Variants in TENM3 observed in about 807,000 individuals in gnomAD.
The protein encoded by TENM3 is teneurin-3.
A neutral mutation model predicts 255.1 loss-of-function variants in TENM3; 63 were observed. The ratio of observed to expected loss-of-function variants is 0.25; its 90% CI spans 0.20 to 0.30. TENM3 has a LOEUF of 0.30. Among genes scored for constraint, TENM3 ranks in the 10% least tolerant of loss-of-function variants. The pLI is 1.00. For synonymous variants in TENM3, 1,306 were observed against 1,322.3 expected (o/e 0.99, Z 0.27); for missense variants, 2,929 against 3,461.1 (o/e 0.85, Z 3.86).
chr4:181,666,698 A>T, the TENM3 span, among the ~76,000 whole-genome samples: 52 of 150,874 alleles, frequency 3.4e-4, no homozygotes, highest in Non-Finnish European at 5.2e-4. Flanking sequence ...GAGACCAAAA[A>T]TTTTTTTTTT....
chr4:181,813,438 G>A, the TENM3 span, among the ~76,000 whole-genome samples: 2 of 152,314 alleles, frequency 1.3e-5, no homozygotes, highest in Non-Finnish European at 2.9e-5. Flanking sequence ...AGCATTGTAG[G>A]CCTTAAACAT....
At chr4:181,823,677 G>A in the TENM3 span, among the ~76,000 whole-genome samples, 9 of 152,108 alleles carry the variant, frequency 5.9e-5, no homozygotes, top group Non-Finnish European at 8.8e-5. Flanking sequence ...AATACACTAA[G>A]TTGTTGATAG....
the TENM3 span, among the ~76,000 whole-genome samples, chr4:181,641,438 G>T: frequency 6.7e-6 from 1 of 149,624 alleles, no homozygotes; most frequent in Non-Finnish European, 1.5e-5. Context: ...GCGGTGTTTG[G>T]TTTTCTGTTC....
intron 3 of TENM3, among the ~76,000 whole-genome samples, chr4:182,583,054 T>A (rs566523144): frequency 2.6e-5 from 4 of 152,324 alleles, no homozygotes; most frequent in Admixed American, 2.6e-4. Context: ...AATATTTTTA[T>A]TCTCCTTCGT....
chr4:182,603,784 T>TATATAG lies in TENM3; in HGVS notation c.749+2624_749+2625insTATAGA, dbSNP rs58332965. 6.7e-5 allele frequency among the ~76,000 whole-genome samples: 9 copies of TATATAG among 134,206 alleles called. No homozygotes were observed. The East Asian group carries it at 7.0e-4, about 10-fold the overall frequency. The allele number at this position is 134,206 out of a possible 152,430, so 88.0% of individuals were successfully genotyped here. A position where few individuals can be genotyped will look rare whatever the true frequency, so the allele number is the denominator to read the frequency against. On this transcript the variant is annotated intron_variant, in intron 4 of 27. Transcript: ENST00000511685. Reference sequence around the variant, plus strand: ...AATTATTTATATATATATATATATATACACACACACACCGATTTTGCTAAT... The same window carrying TATATAG: ...AATTATTTATATATATATATATATATATATAGACACACACACACCGATTTTGCTAAT...
At chr4:182,134,296 A>G in the TENM3 span, among the ~76,000 whole-genome samples, 1 of 152,164 alleles carries the variant, frequency 6.6e-6, no homozygotes, top group Non-Finnish European at 1.5e-5. Context: ...GATCAGTGTA[A>G]ATAGAGACTG....
intron 4 of TENM3, among the ~76,000 whole-genome samples, chr4:182,621,650 TATA>T (rs1277756671): frequency 2.5e-5 from 1 of 40,526 alleles, no homozygotes; most frequent in African/African-American, 8.2e-5. Context: ...TAATACATAT[TATA>T]ATATATAATA....
intron 12 of TENM3, among the ~76,000 whole-genome samples, chr4:182,706,350 G>T (rs1758280667): frequency 6.6e-6 from 1 of 152,166 alleles, no homozygotes; most frequent in Non-Finnish European, 1.5e-5. Flanking sequence ...ACCCCACAGG[G>T]TGGTGAAAAT....
chr4:182,038,051 T>C, the TENM3 span, among the ~76,000 whole-genome samples: 1 of 152,162 alleles, frequency 6.6e-6, no homozygotes, highest in Non-Finnish European at 1.5e-5. Flanking sequence ...CTCATTATAC[T>C]TTTTTCTACT....
intron 5 of TENM3, among the ~76,000 whole-genome samples, chr4:182,651,020 A>G (rs988799269): frequency 1.3e-5 from 2 of 151,764 alleles, no homozygotes; most frequent in Non-Finnish European, 2.9e-5. Context: ...GCATGATCCC[A>G]TGGATTATGT....
the TENM3 span, among the ~76,000 whole-genome samples, chr4:181,527,629 T>G: frequency 6.6e-6 from 1 of 151,592 alleles, no homozygotes; most frequent in Non-Finnish European, 1.5e-5. Flanking sequence ...GGTTTTGTTT[T>G]TTTTTTTTTT....
At chr4:182,430,365 G>A (rs1014675433) in intron 3 of TENM3, among the ~76,000 whole-genome samples, 7 of 152,024 alleles carry the variant, frequency 4.6e-5, no homozygotes, top group South Asian at 2.1e-4. Flanking sequence ...TGGCTAACAC[G>A]GTGAAACACT....
the TENM3 span, among the ~76,000 whole-genome samples, chr4:181,910,590 GTATA>G: frequency 0.023 from 3,263 of 142,724 alleles, 72 homozygotes; most frequent in African/African-American, 0.062. Context: ...ATATGTATTT[GTATA>G]TATATATATA....
intron 1 of TENM3, among the ~76,000 whole-genome samples, chr4:182,309,269 C>T (rs960350679): frequency 6.6e-5 from 10 of 152,146 alleles, no homozygotes; most frequent in African/African-American, 2.2e-4. Flanking sequence ...TCCAGGGATC[C>T]GTGAGGAAGG....
intron 3 of TENM3, among the ~76,000 whole-genome samples, chr4:182,496,037 T>C (rs1735742985): frequency 6.6e-6 from 1 of 152,226 alleles, no homozygotes; most frequent in African/African-American, 2.4e-5. Context: ...TAATGAGATC[T>C]GTAATGAGGA....
chr4:182,617,915 C>T (rs17324583), intron 4 of TENM3, among the ~76,000 whole-genome samples: 31,382 of 152,080 alleles, frequency 0.21, 3,754 homozygotes, highest in Non-Finnish European at 0.27. Context: ...GATGTTACTA[C>T]ACAAGATAAG....
intron 1 of TENM3, among the ~76,000 whole-genome samples, chr4:182,156,965 T>A (rs547042079): frequency 1.3e-5 from 2 of 152,298 alleles, no homozygotes; most frequent in African/African-American, 4.8e-5. Context: ...ATTAAAGTTA[T>A]TAAGAAAGCC....
chr4:182,789,281 C>T lies in TENM3; in HGVS notation c.5493C>T (p.Ser1831=). ...VTYSSTGQIA[S]IQRGTTSEKV... ...ATTCATCCACAGGTCAAATTGCCAG[C>T]ATCCAGCGAGGCACCACTAGCGAGA... The change falls in exon 25 of 28, where the codon AGC becomes AGT. Residue 1831 remains serine, a synonymous_variant. Transcript: ENST00000511685. This position sits in a 1 kb window ranked among gnomAD's most constrained non-coding sequence, Gnocchi z 4.4. 6.2e-7 allele frequency: 1 copy of T among 1,613,748 alleles called. No homozygotes were observed. The highest frequency in any genetic ancestry group is 8.5e-7 in the Non-Finnish European group (1 of 1,179,810).
intron 1 of TENM3, among the ~76,000 whole-genome samples, chr4:182,250,287 C>CATGATCCACCGACCTT (rs367862132): frequency 6.6e-6 from 1 of 151,994 alleles, no homozygotes; most frequent in Admixed American, 6.6e-5. Context: ...CTCCTGACCT[C>CATGATCCACCGACCTT]ATGATCCACC....
Sources: gnomAD v4.1 joint callset for allele counts (sites outside exome capture counted in the v4.1 genomes callset) on GRCh38, gnomAD v4.1.1 for gene constraint, Gnocchi (gnomAD v3.1) non-coding constraint, MANE v1.5 for transcripts, NCBI Gene and HGNC (gene_info 2026-07-23, HGNC 2026-07-21) for gene names.